DOCK3: variants seen among roughly 807,000 people sequenced by gnomAD.
The protein encoded by DOCK3 is dedicator of cytokinesis protein 3.
A neutral mutation model predicts 265.6 loss-of-function variants in DOCK3; 60 were observed. The ratio of observed to expected loss-of-function variants is 0.23; its 90% CI spans 0.18 to 0.28. The LOEUF is 0.28. Ranked by LOEUF, DOCK3 falls within the 10% of genes least tolerant of loss-of-function variation. The pLI is 1.00. For missense variants in DOCK3, 1,981 were observed against 2,594.3 expected (o/e 0.76, Z 5.14); for synonymous variants, 881 against 938.0 (o/e 0.94, Z 1.11).
intron 9 of DOCK3, among the ~76,000 whole-genome samples, chr3:51,110,590 T>C (rs1263154482): frequency 1.3e-5 from 2 of 152,194 alleles, no homozygotes; most frequent in Non-Finnish European, 1.5e-5. Flanking sequence ...AAAAACCCCA[T>C]GATTATCTCA....
chr3:50,752,740 T>C (rs1216354363), intron 1 of DOCK3, among the ~76,000 whole-genome samples: 1 of 152,066 alleles, frequency 6.6e-6, no homozygotes, highest in Non-Finnish European at 1.5e-5. Flanking sequence ...ATCGCACCAC[T>C]ACACTCCAGC....
At chr3:51,203,140 T>C (rs1483300774) in intron 12 of DOCK3, among the ~76,000 whole-genome samples, 2 of 152,084 alleles carry the variant, frequency 1.3e-5, no homozygotes, top group Admixed American at 1.3e-4. Flanking sequence ...CCACTCCTAT[T>C]CAACATAGTG....
At chr3:50,804,250 C>T (rs911184805) in intron 2 of DOCK3, among the ~76,000 whole-genome samples, 2 of 150,748 alleles carry the variant, frequency 1.3e-5, no homozygotes, top group African/African-American at 4.9e-5. Flanking sequence ...TCCTCACTTC[C>T]CAGACTGGGC....
intron 5 of DOCK3, among the ~76,000 whole-genome samples, chr3:50,966,485 T>G (rs1231624358): frequency 4.9e-4 from 1 of 2,054 alleles, no homozygotes; most frequent in African/African-American, 1.7e-3. Context: ...TATCTCTTGT[T>G]TTTTTTTTTT....
intron 9 of DOCK3, among the ~76,000 whole-genome samples, chr3:51,117,731 T>C (rs1403971490): frequency 6.6e-6 from 1 of 152,232 alleles, no homozygotes; most frequent in Non-Finnish European, 1.5e-5. Flanking sequence ...TCTTCTAGGT[T>C]TTCTAGTTTA....
At chr3:50,983,865 G>A (rs983513813) in intron 5 of DOCK3, among the ~76,000 whole-genome samples, 1 of 152,088 alleles carries the variant, frequency 6.6e-6, no homozygotes, top group Non-Finnish European at 1.5e-5. Flanking sequence ...CCCAGTCCTG[G>A]GGTATGACTC....
intron 5 of DOCK3, among the ~76,000 whole-genome samples, chr3:51,049,324 T>G (rs1207606786): frequency 2.0e-5 from 1 of 49,070 alleles, no homozygotes; most frequent in Non-Finnish European, 3.7e-5. Context: ...AGACCGTGTC[T>G]CAGAAAGAAA....
chr3:51,246,830 C>T (rs749416437), intron 22 of DOCK3, 23 bp downstream of exon 22: 15 of 1,603,636 alleles, frequency 9.4e-6, no homozygotes, highest in Non-Finnish European at 1.0e-5. Flanking sequence ...CCTCTCCATA[C>T]ATAAGAGACC....
At chr3:51,153,299 G>A (rs997578817) in intron 10 of DOCK3, among the ~76,000 whole-genome samples, 3 of 152,100 alleles carry the variant, frequency 2.0e-5, no homozygotes, top group Non-Finnish European at 2.9e-5. Context: ...CATGGGACCC[G>A]TCCAGGATAT....
intron 22 of DOCK3, among the ~76,000 whole-genome samples, chr3:51,250,743 G>A (rs1358210528): frequency 1.3e-5 from 2 of 152,338 alleles, no homozygotes; most frequent in East Asian, 3.9e-4. Flanking sequence ...CTTCTCTGAG[G>A]AGGTGATCTC....
chr3:51,222,616 C>T (rs1166695115), intron 14 of DOCK3, among the ~76,000 whole-genome samples: 2 of 152,182 alleles, frequency 1.3e-5, no homozygotes, highest in Non-Finnish European at 2.9e-5. Context: ...CCTAACCTGA[C>T]TGAGAATAGT....
intron 4 of DOCK3, among the ~76,000 whole-genome samples, chr3:50,904,354 G>A (rs1272631263): frequency 6.6e-6 from 1 of 152,258 alleles, no homozygotes; most frequent in East Asian, 1.9e-4. Context: ...TTCCATAATG[G>A]TTGAACTAGT....
chr3:51,124,658 T>G (rs572167551), intron 9 of DOCK3, among the ~76,000 whole-genome samples: 63 of 152,328 alleles, frequency 4.1e-4, no homozygotes, highest in Non-Finnish European at 5.9e-4. Flanking sequence ...TTTAGAGAGA[T>G]GTAGCTATTT....
chr3:51,252,658 CTGTT>C (rs1345716200), intron 22 of DOCK3, among the ~76,000 whole-genome samples: 14 of 152,124 alleles, frequency 9.2e-5, no homozygotes, highest in Non-Finnish European at 1.6e-4. Flanking sequence ...ATTTGGCTCT[CTGTT>C]TGTCTGTTAT....
chr3:51,051,166 TA>T (rs558716699), intron 5 of DOCK3, among the ~76,000 whole-genome samples: 53 of 152,340 alleles, frequency 3.5e-4, no homozygotes, highest in African/African-American at 1.3e-3. Context: ...ATAAAGTTTT[TA>T]AAAATAGATA....
At chr3:50,987,108 A>G (rs1337238603) in intron 5 of DOCK3, among the ~76,000 whole-genome samples, 2 of 152,208 alleles carry the variant, frequency 1.3e-5, no homozygotes, top group Non-Finnish European at 2.9e-5. Flanking sequence ...GGGCCACATG[A>G]CAAGGGATAT....
In DOCK3 at chr3:50,905,745, G is replaced by A. The variant is rs562438967; in HGVS notation, c.218+15664G>A. Among the ~76,000 whole-genome samples the A allele has an allele frequency of 3.0e-3, 457 of 151,908 alleles. 2 individuals are homozygous for A. Among genetic ancestry groups the A allele is most frequent in the African/African-American group, 0.01 (430 of 41,370 alleles). On this transcript the variant is annotated intron_variant, in intron 4 of 52. Coordinates refer to ENST00000266037, the MANE Select transcript of DOCK3 (RefSeq NM_004947.5). The stretch of plus-strand genomic sequence containing the variant: ...TGACTTCCTCTTTTCCTAATTGAAT[G>A]CCCTTTATTTCTTTCTCCTGCCTGA...
intron 12 of DOCK3, among the ~76,000 whole-genome samples, chr3:51,207,932 T>C (rs1257502188): frequency 2.0e-5 from 3 of 152,160 alleles, no homozygotes. Context: ...CTAATCTTTT[T>C]CCAATTGTTT....
intron 1 of DOCK3, among the ~76,000 whole-genome samples, chr3:50,752,336 C>T (rs1280579564): frequency 6.6e-6 from 1 of 151,916 alleles, no homozygotes; most frequent in African/African-American, 2.4e-5. Flanking sequence ...TGGTGAAACC[C>T]CATCTCTACT....
Sources: allele counts gnomAD v4.1 joint callset (sites outside exome capture counted in the v4.1 genomes callset), GRCh38; gene constraint gnomAD v4.1.1; transcripts MANE v1.5; gene names NCBI Gene and HGNC (gene_info 2026-07-23, HGNC 2026-07-21).